The following FAM13A variants were observed in gnomAD, a reference collection of about 807,000 sequenced individuals.
FAM13A encodes the protein family with sequence similarity 13 member A, also known as protein FAM13A.
In FAM13A, 76 loss-of-function variants were observed where a neutral mutation model predicts 129.6. That is an observed-to-expected ratio of 0.59 (90% CI 0.49 to 0.71). The LOEUF is 0.71. Ranked by LOEUF, FAM13A falls within the 30% of genes least tolerant of loss-of-function variation. FAM13A has a pLI of 0.00. For synonymous variants in FAM13A, 443 were observed against 449.9 expected, an observed-to-expected ratio of 0.98 and a Z score of 0.20; for missense variants, 1,108 against 1,249.3, an observed-to-expected ratio of 0.89 and a Z score of 1.70.
intron 6 of FAM13A, among the ~76,000 whole-genome samples, chr4:88,897,874 G>C (rs1464905066): frequency 6.6e-6 from 1 of 152,076 alleles, no homozygotes; most frequent in African/African-American, 2.4e-5. Context: ...TCTGACATTT[G>C]ACATTACAAA....
chr4:88,821,290 G>T (rs757461636), intron 7 of FAM13A, among the ~76,000 whole-genome samples: 1 of 152,172 alleles, frequency 6.6e-6, no homozygotes, highest in Non-Finnish European at 1.5e-5. Context: ...TCTAAGAGCT[G>T]GGTAAACATT....
At chr4:88,904,047 G>C (rs2446305) in intron 6 of FAM13A, among the ~76,000 whole-genome samples, 152,305 of 152,352 alleles carry the variant, frequency 1, 76,129 homozygotes, top group Middle Eastern at 1. Flanking sequence ...TAGATACATG[G>C]AAATCAAAAC....
chr4:88,857,662 A>G (rs1578985490), intron 6 of FAM13A, among the ~76,000 whole-genome samples: 1 of 151,756 alleles, frequency 6.6e-6, no homozygotes, highest in African/African-American at 2.4e-5. Context: ...TTATCTTGAA[A>G]TATAAGAGAT....
chr4:88,975,231 T>G (rs1760737193), intron 4 of FAM13A, among the ~76,000 whole-genome samples: 1 of 152,146 alleles, frequency 6.6e-6, no homozygotes, highest in African/African-American at 2.4e-5. Context: ...CAGAATCCTG[T>G]TTCCCCAAGA....
At position 88,837,986 on chromosome 4, in the gene FAM13A, T is replaced by C. The variant is rs181656076; in HGVS notation, c.1007+13034A>G. On this transcript the variant is annotated intron_variant, in intron 7 of 23. Coordinates refer to ENST00000264344, the MANE Select transcript of FAM13A (RefSeq NM_014883.4). ...AAAAAAAATGCTTCTTTATTGAACA[T>C]GCACAGACTTTCTTTTCTTGTCATT... Among the ~76,000 whole-genome samples, 7 of 152,300 alleles carry C rather than the reference T, an allele frequency of 4.6e-5. No homozygotes were observed. The East Asian group carries it at 5.8e-4, about 13-fold the overall frequency.
intron 6 of FAM13A, among the ~76,000 whole-genome samples, chr4:88,897,100 G>A (rs868139618): frequency 2.4e-4 from 37 of 152,158 alleles, no homozygotes; most frequent in African/African-American, 8.2e-4. Context: ...GTGAGGCTTA[G>A]AGCCATAGCA....
intron 7 of FAM13A, among the ~76,000 whole-genome samples, chr4:88,830,948 T>A (rs1733794007): frequency 6.7e-6 from 1 of 150,162 alleles, no homozygotes; most frequent in Non-Finnish European, 1.5e-5. Flanking sequence ...TCATGGTACA[T>A]GAAGTAGCAA....
At chr4:88,836,850 T>G (rs1158109031) in intron 7 of FAM13A, among the ~76,000 whole-genome samples, 1 of 151,550 alleles carries the variant, frequency 6.6e-6, no homozygotes. Context: ...ATCCCAGCTA[T>G]TTGGGAGGCT....
intron 6 of FAM13A, among the ~76,000 whole-genome samples, chr4:88,865,518 G>C (rs1338901059): frequency 6.6e-6 from 1 of 152,190 alleles, no homozygotes; most frequent in Admixed American, 6.5e-5. Context: ...CTGAGTTTTA[G>C]TGCCTAGTAA....
intron 19 of FAM13A, among the ~76,000 whole-genome samples, chr4:88,745,469 T>G (rs1741123263): frequency 1.3e-5 from 2 of 152,328 alleles, no homozygotes; most frequent in South Asian, 4.1e-4. Flanking sequence ...CTTAAGGGCC[T>G]TGGGCATGGA....
At chr4:88,870,931 G>C (rs542027523) in intron 6 of FAM13A, among the ~76,000 whole-genome samples, 4 of 152,172 alleles carry the variant, frequency 2.6e-5, no homozygotes, top group Admixed American at 2.6e-4. Flanking sequence ...CCAGAGGAAG[G>C]ATCAGGCAGC....
At chr4:88,935,920 G>T (rs1407537260) in intron 5 of FAM13A, among the ~76,000 whole-genome samples, 3 of 146,850 alleles carry the variant, frequency 2.0e-5, no homozygotes, top group South Asian at 2.1e-4. Context: ...CTATCAGCGA[G>T]ATCAGTTAAA....
intron 7 of FAM13A, among the ~76,000 whole-genome samples, chr4:88,824,053 A>G (rs1732569115): frequency 6.6e-6 from 1 of 152,162 alleles, no homozygotes; most frequent in Non-Finnish European, 1.5e-5. Context: ...AAAGTCTTCT[A>G]AATATTTGTT....
chr4:89,011,842 A>T (rs1765778807), intron 3 of FAM13A, among the ~76,000 whole-genome samples: 1 of 152,170 alleles, frequency 6.6e-6, no homozygotes, highest in Non-Finnish European at 1.5e-5. Flanking sequence ...GTTAGTTACC[A>T]CTGACTGGAT....
intron 6 of FAM13A, among the ~76,000 whole-genome samples, chr4:88,869,365 G>A (rs904212667): frequency 1.2e-4 from 18 of 152,198 alleles, no homozygotes; most frequent in Non-Finnish European, 2.5e-4. Context: ...GCTTTCTCCA[G>A]CCTTTGTGGA....
At chr4:88,962,774 A>T (rs1174008007) in intron 4 of FAM13A, among the ~76,000 whole-genome samples, 1 of 152,236 alleles carries the variant, frequency 6.6e-6, no homozygotes, top group Non-Finnish European at 1.5e-5. Flanking sequence ...AGTGCATAAT[A>T]GTCCCAAATT....
rs527746062 is a variant in FAM13A at position 88,787,799 on chromosome 4, G to A, written c.1225C>T (p.Arg409Cys). 55 of 1,613,570 alleles carry A rather than the reference G, an allele frequency of 3.4e-5. No individual in the cohort carries two copies. Among genetic ancestry groups the A allele is most frequent in the African/African-American group, 2.4e-4 (18 of 74,980 alleles). The change falls in exon 10 of 24, where the codon CGC becomes TGC. Residue 409 changes from arginine (R) to cysteine (C), a missense_variant. Transcript: ENST00000264344. ...TCATCCTGCTCCTTGGACTGGCGGC[G>A]GCGCTGTCTGGCAGATGTGGCAGAA... is the stretch of plus-strand genomic sequence containing the variant. ...ASSATSARQR[R>C]RQSKEQDEVR...
intron 4 of FAM13A, among the ~76,000 whole-genome samples, chr4:88,969,251 T>C (rs949554507): frequency 1.3e-5 from 2 of 152,200 alleles, no homozygotes; most frequent in African/African-American, 4.8e-5. Context: ...TTTCATAATT[T>C]CTGTGTTAAA....
chr4:88,904,981 A>G (rs1372526309), intron 6 of FAM13A, among the ~76,000 whole-genome samples: 1 of 152,152 alleles, frequency 6.6e-6, no homozygotes, highest in African/African-American at 2.4e-5. Context: ...GAAACATCAT[A>G]CAGTGATTTT....
Sources: allele counts gnomAD v4.1 joint callset (sites outside exome capture counted in the v4.1 genomes callset), GRCh38; gene constraint gnomAD v4.1.1; transcripts MANE v1.5; gene names NCBI Gene and HGNC (gene_info 2026-07-23, HGNC 2026-07-21).